Variants in NDST3 observed in about 807,000 individuals in gnomAD.
The protein encoded by NDST3 is bifunctional heparan sulfate N-deacetylase/N-sulfotransferase 3.
NDST3 carries 58 observed loss-of-function variants against 96.1 expected under a neutral mutation model. The ratio of observed to expected loss-of-function variants is 0.60; its 90% confidence interval spans 0.49 to 0.75. The LOEUF (loss-of-function observed/expected upper bound fraction) is 0.75, where lower values mean the gene tolerates loss of function less well. Ranked by LOEUF, NDST3 falls within the 30% of genes least tolerant of loss-of-function variation. NDST3 has a pLI of 0.00. For missense variants in NDST3, 788 were observed against 1,034.2 expected, an observed-to-expected ratio of 0.76 and a Z score of 3.27; for synonymous variants, 333 against 359.7, an observed-to-expected ratio of 0.93 and a Z score of 0.84.
intron 12 of NDST3, among the ~76,000 whole-genome samples, chr4:118,249,832 G>C (rs1209982458): frequency 6.6e-6 from 1 of 151,848 alleles, no homozygotes; most frequent in Non-Finnish European, 1.5e-5. Flanking sequence ...TTGTAATTGT[G>C]CAGTTCAATG....
chr4:118,109,458 A>T (rs897522104), intron 3 of NDST3, among the ~76,000 whole-genome samples: 3 of 152,172 alleles, frequency 2.0e-5, no homozygotes, highest in African/African-American at 7.2e-5. Context: ...AATTCATGTC[A>T]TTCCTTCTCA....
intron 4 of NDST3, among the ~76,000 whole-genome samples, chr4:118,132,298 T>C (rs1732700058): frequency 6.6e-6 from 1 of 152,200 alleles, no homozygotes; most frequent in Admixed American, 6.5e-5. Flanking sequence ...CTTCCTGCTC[T>C]TCCTTCCCCT....
chr4:118,219,349 A>T (rs1262608059), intron 6 of NDST3, among the ~76,000 whole-genome samples: 2 of 152,132 alleles, frequency 1.3e-5, no homozygotes, highest in Non-Finnish European at 2.9e-5. Context: ...AGACATATAG[A>T]CCAATGGAAC....
At chr4:118,207,146 TACACACACACACACAC>T (rs67300451) in intron 6 of NDST3, among the ~76,000 whole-genome samples, 4,444 of 128,434 alleles carry the variant, frequency 0.035, 610 homozygotes, top group Non-Finnish European at 0.048. Flanking sequence ...TCTGGAAGAA[TACACACACACACACAC>T]ACACACACAC....
intron 6 of NDST3, among the ~76,000 whole-genome samples, chr4:118,189,114 A>G (rs1208063823): frequency 6.6e-6 from 1 of 152,178 alleles, no homozygotes; most frequent in Non-Finnish European, 1.5e-5. Context: ...CAGTGCCACA[A>G]TCTTGGCTCA....
chr4:118,207,146 TACACACACACACACACACACAC>T (rs67300451), intron 6 of NDST3, among the ~76,000 whole-genome samples: 1 of 128,786 alleles, frequency 7.8e-6, no homozygotes, highest in Non-Finnish European at 1.7e-5. Flanking sequence ...TCTGGAAGAA[TACACACACACACACACACACAC>T]ACACACACAC....
intron 12 of NDST3, among the ~76,000 whole-genome samples, chr4:118,245,826 A>G (rs1317991871): frequency 1.3e-5 from 2 of 152,152 alleles, no homozygotes; most frequent in Non-Finnish European, 2.9e-5. Flanking sequence ...GATACGTACA[A>G]TTAGCTCCAT....
intron 2 of NDST3, among the ~76,000 whole-genome samples, chr4:118,075,676 G>C (rs2125808941): frequency 6.6e-6 from 1 of 152,292 alleles, no homozygotes; most frequent in Middle Eastern, 3.4e-3. Flanking sequence ...TCATGTGTCT[G>C]TTGGTTGCAT....
chr4:118,236,045 C>A (rs888501538), intron 9 of NDST3, among the ~76,000 whole-genome samples: 1 of 151,850 alleles, frequency 6.6e-6, no homozygotes, highest in Non-Finnish European at 1.5e-5. Flanking sequence ...TAAAAAAAAA[C>A]AGGTCATTGC....
At chr4:118,075,517 G>C (rs566924880) in intron 2 of NDST3, among the ~76,000 whole-genome samples, 31 of 151,700 alleles carry the variant, frequency 2.0e-4, no homozygotes, top group Non-Finnish European at 3.4e-4. Context: ...CCCACCAACA[G>C]TGTAAAAGTG....
chr4:118,252,299 G>A (rs554349277), intron 12 of NDST3, among the ~76,000 whole-genome samples: 4 of 152,086 alleles, frequency 2.6e-5, no homozygotes, highest in Admixed American at 1.3e-4. Flanking sequence ...GCCCTAAACC[G>A]AAAATCAGCA....
At chr4:118,201,383 C>T (rs187964102) in intron 6 of NDST3, among the ~76,000 whole-genome samples, 1 of 152,332 alleles carries the variant, frequency 6.6e-6, no homozygotes, top group East Asian at 1.9e-4. Flanking sequence ...AGTGGCTAAA[C>T]TAATTTAAAT....
intron 4 of NDST3, among the ~76,000 whole-genome samples, chr4:118,116,897 G>A (rs1225252005): frequency 6.6e-6 from 1 of 151,958 alleles, no homozygotes; most frequent in Non-Finnish European, 1.5e-5. Context: ...TAATACATAT[G>A]CTAGAACAGG....
intron 5 of NDST3, among the ~76,000 whole-genome samples, chr4:118,141,498 G>A (rs928592652): frequency 1.8e-4 from 27 of 152,308 alleles, no homozygotes; most frequent in African/African-American, 6.3e-4. Flanking sequence ...GCAGGGTAAA[G>A]CCTGCCACTT....
chr4:118,225,505 A>C (rs1739815070), intron 7 of NDST3, among the ~76,000 whole-genome samples: 1 of 152,208 alleles, frequency 6.6e-6, no homozygotes, highest in Admixed American at 6.5e-5. Context: ...AGAAAGGCTA[A>C]GTCAATTAAG....
chr4:118,105,377 T>G (rs570569023), intron 3 of NDST3, among the ~76,000 whole-genome samples: 1 of 152,332 alleles, frequency 6.6e-6, no homozygotes, highest in African/African-American at 2.4e-5. Context: ...CAGTGAATTT[T>G]CAACGTGTAC....
At chr4:118,220,374 TTC>T (rs1230807785) in intron 6 of NDST3, among the ~76,000 whole-genome samples, 9 of 151,924 alleles carry the variant, frequency 5.9e-5, no homozygotes, top group Admixed American at 2.0e-4. Context: ...ACACCGCATG[TTC>T]TCACTCATAA....
chr4:118,040,867 T>TATA (rs1491504425), intron 1 of NDST3, among the ~76,000 whole-genome samples: 8 of 42,634 alleles, frequency 1.9e-4, no homozygotes, highest in African/African-American at 3.0e-4. Context: ...TTATATATTT[T>TATA]TATATATATA....
At chr4:118,247,488 G>A (rs373216683) in intron 12 of NDST3, among the ~76,000 whole-genome samples, 13 of 152,198 alleles carry the variant, frequency 8.5e-5, no homozygotes, top group African/African-American at 3.1e-4. Flanking sequence ...GGAGGTGGAG[G>A]TTGCAGTGAG....
Sources: gnomAD v4.1 joint callset for allele counts (sites outside exome capture counted in the v4.1 genomes callset) on GRCh38, gnomAD v4.1.1 for gene constraint, MANE v1.5 for transcripts, NCBI Gene and HGNC (gene_info 2026-07-23, HGNC 2026-07-21) for gene names.